Variants in PRP4K observed in about 807,000 individuals in gnomAD.
The protein encoded by PRP4K is pre-mRNA processing factor kinase PRP4K.
At chr6:4,060,336 A>G in the PRP4K span, 3 of 1,314,440 alleles carry the variant, frequency 2.3e-6, no homozygotes, top group South Asian at 1.4e-5. This position sits in a 1 kb window ranked among gnomAD's most constrained non-coding sequence, Gnocchi z 4.7. Context: ...TTTTTGATAG[A>G]CCCCAAAACA....
At chr6:4,051,850 C>T in the PRP4K span, 2 of 688,150 alleles carry the variant, frequency 2.9e-6, no homozygotes, top group Non-Finnish European at 4.6e-6. Context: ...ATACAGACTT[C>T]TCCCACACAT....
chr6:4,030,069 A>G, the PRP4K span, among the ~76,000 whole-genome samples: 7 of 151,824 alleles, frequency 4.6e-5, no homozygotes, highest in South Asian at 1.5e-3. Context: ...CAGCCTCCCG[A>G]GTAACTGGGA....
the PRP4K span, among the ~76,000 whole-genome samples, chr6:4,029,768 G>A: frequency 3.4e-3 from 510 of 152,094 alleles, 2 homozygotes; most frequent in African/African-American, 0.011. Context: ...GTCCCTGACC[G>A]TTCTCGAAAT....
the PRP4K span, among the ~76,000 whole-genome samples, chr6:4,053,280 C>T: frequency 6.6e-6 from 1 of 152,146 alleles, no homozygotes; most frequent in Non-Finnish European, 1.5e-5. Context: ...GGCTCAAACA[C>T]AATAAAGCTC....
chr6:4,022,752 A>G, the PRP4K span, among the ~76,000 whole-genome samples: 2 of 152,252 alleles, frequency 1.3e-5, no homozygotes, highest in Admixed American at 6.5e-5. Context: ...GTTTTAAATT[A>G]GCTTTAACCT....
the PRP4K span, among the ~76,000 whole-genome samples, chr6:4,058,440 T>C: frequency 6.6e-6 from 1 of 152,252 alleles, no homozygotes; most frequent in Non-Finnish European, 1.5e-5. Flanking sequence ...ATTTAAAGTC[T>C]TTGTTGACTC....
the PRP4K span, among the ~76,000 whole-genome samples, chr6:4,028,587 A>G: frequency 0.17 from 25,962 of 152,122 alleles, 2,628 homozygotes; most frequent in African/African-American, 0.26. Flanking sequence ...ACACTACTGT[A>G]TTTGTCATGT....
chr6:4,047,296 T>C, the PRP4K span: 3 of 1,368,964 alleles, frequency 2.2e-6, no homozygotes, highest in African/African-American at 1.4e-5. Context: ...ATAACAAATA[T>C]ATTGGTGCGT....
chr6:4,035,739 G>A, the PRP4K span, among the ~76,000 whole-genome samples: 3 of 152,102 alleles, frequency 2.0e-5, no homozygotes, highest in South Asian at 2.1e-4. Flanking sequence ...AGGCTGAGAC[G>A]GGTGGATCAC....
At chr6:4,025,856 C>T in the PRP4K span, among the ~76,000 whole-genome samples, 2 of 152,186 alleles carry the variant, frequency 1.3e-5, no homozygotes, top group South Asian at 4.1e-4. Context: ...TTGAATATCA[C>T]GCAGTCAGAA....
the PRP4K span, chr6:4,064,764 A>G: frequency 1.3e-5 from 2 of 152,658 alleles, no homozygotes; most frequent in African/African-American, 2.4e-5. Context: ...AGATGTCATT[A>G]TGGCATCCTT....
At chr6:4,021,405 C>T in the PRP4K span, 36 of 1,574,912 alleles carry the variant, frequency 2.3e-5, no homozygotes, top group Middle Eastern at 1.7e-4. Context: ...CCACCGCCGC[C>T]GAGGAGTCAG....
chr6:4,044,866 T>TTTA, the PRP4K span, among the ~76,000 whole-genome samples: 3 of 124,586 alleles, frequency 2.4e-5, no homozygotes, highest in African/African-American at 3.6e-5. Context: ...TATTATTATT[T>TTTA]TTTTTTTTTT....
At chr6:4,039,891 T>A in the PRP4K span, among the ~76,000 whole-genome samples, 1 of 124,870 alleles carries the variant, frequency 8.0e-6, no homozygotes. Context: ...CTCTCCCCTC[T>A]CCCTTCTCCT....
chr6:4,033,980 A>C, the PRP4K span, among the ~76,000 whole-genome samples: 1 of 151,492 alleles, frequency 6.6e-6, no homozygotes, highest in East Asian at 1.9e-4. Flanking sequence ...ACTAGAGCTG[A>C]GTATTTGAAA....
At chr6:4,051,987 C>G in the PRP4K span, 1 of 1,585,452 alleles carries the variant, frequency 6.3e-7, no homozygotes, top group African/African-American at 1.4e-5. Context: ...AATTAGAGTT[C>G]TTGAAAAAAC....
At chr6:4,024,493 A>T in the PRP4K span, among the ~76,000 whole-genome samples, 3 of 152,132 alleles carry the variant, frequency 2.0e-5, no homozygotes, top group Non-Finnish European at 2.9e-5. Flanking sequence ...TAAATCAGTC[A>T]GTTCTCTGTG....
At chr6:4,032,043 A>G in the PRP4K span, 5 of 1,614,094 alleles carry the variant, frequency 3.1e-6, no homozygotes, top group Non-Finnish European at 3.4e-6. Context: ...ACTTGTGGAC[A>G]ATAAAATTAC....
chr6:4,058,548 C>T, the PRP4K span, among the ~76,000 whole-genome samples: 64,978 of 152,134 alleles, frequency 0.43, 16,916 homozygotes, highest in East Asian at 0.62. Flanking sequence ...GTTTTAGGTA[C>T]AGCATTGGTA....
Sources: allele counts gnomAD v4.1 joint callset (sites outside exome capture counted in the v4.1 genomes callset), GRCh38; gene constraint gnomAD v4.1.1; non-coding constraint Gnocchi (gnomAD v3.1); transcripts MANE v1.5; gene names NCBI Gene and HGNC (gene_info 2026-07-23, HGNC 2026-07-21).